SGCA: variants seen among roughly 807,000 people sequenced by gnomAD.
SGCA encodes the protein alpha-sarcoglycan.
Under a neutral mutation model 38.1 loss-of-function variants are expected in SGCA, and 34 were observed. That is an observed-to-expected ratio of 0.89 (90% CI 0.68 to 1.19). The LOEUF (loss-of-function observed/expected upper bound fraction) is 1.19. SGCA is among the 50% of genes most tolerant of loss of function. The pLI, the probability that SGCA is intolerant of heterozygous loss-of-function variation, is 0.00. For missense variants in SGCA, 476 were observed against 524.9 expected (o/e 0.91, Z 0.91); for synonymous variants, 209 against 214.6 (o/e 0.97, Z 0.23).
intron 1 of SGCA, among the ~76,000 whole-genome samples, chr17:50,166,560 C>G (rs988027442): frequency 2.0e-5 from 3 of 151,896 alleles, no homozygotes; most frequent in African/African-American, 7.3e-5. Context: ...GAATGGCTAC[C>G]CTTCCTCCTC....
intron 6 of SGCA, chr17:50,169,686 TG>T: frequency 3.1e-6 from 1 of 321,036 alleles, no homozygotes; most frequent in South Asian, 3.4e-5. Flanking sequence ...AAACCAAAGA[TG>T]CTCACAACAG....
chr17:50,169,947 A>G, intron 6 of SGCA, 196 bp from the exon 7 acceptor site: 3 of 639,874 alleles, frequency 4.7e-6, no homozygotes, highest in Non-Finnish European at 8.5e-6. Flanking sequence ...GCACATAATC[A>G]TCCTAGCTAA....
In SGCA at chr17:50,167,538, G is replaced by A; in HGVS notation, c.158-44G>A. 2 of 1,613,996 alleles carry A rather than the reference G, an allele frequency of 1.2e-6. No individual in the cohort carries two copies. Among genetic ancestry groups the A allele is most frequent in the Non-Finnish European group, 1.7e-6 (2 of 1,180,014 alleles). ...CGGGCGGGCTGGGGTGTACCCCGCA[G>A]GGCTCCTGCTGTGACTCGAATCCCC... On this transcript the variant is annotated intron_variant, in intron 2 of 9. Coordinates refer to ENST00000262018, the MANE Select transcript of SGCA (RefSeq NM_000023.4). This position sits in a 1 kb window ranked among gnomAD's most constrained non-coding sequence, Gnocchi z 4.5.
chr17:50,168,669 C>T (rs999141294), intron 5 of SGCA, 97 bp downstream of exon 5: 1 of 1,055,922 alleles, frequency 9.5e-7, no homozygotes, highest in Non-Finnish European at 1.4e-6. Context: ...TGGGGCTTTA[C>T]CACGCACATC....
Position 50,169,879 on chromosome 17 carries a change from C to G in SGCA, c.748-264C>G, listed in dbSNP as rs148269842. 305 of 571,294 alleles carry G rather than the reference C, an allele frequency of 5.3e-4. 2 individuals are homozygous for G. In the East Asian group the frequency reaches 7.9e-3, roughly 15 times the overall value. 35.4% of individuals were successfully genotyped at this position (571,294 alleles called of 1,614,324 possible). ...CATCAACATATTTTATGCTCACCAC[C>G]ACTCCAGGAGACAGGTGCTACTATT... On this transcript the variant is annotated intron_variant, in intron 6 of 9. Coordinates refer to ENST00000262018, the MANE Select transcript of SGCA (RefSeq NM_000023.4).
Position 50,175,904 on chromosome 17 carries a change from A to C in SGCA, c.*205A>C. ...TAAATATCTGCTGCTCTGCTCACCA[A>C]TTGCTGCTGGCAGCCTCTCCCGTCC... is the stretch of plus-strand genomic sequence containing the variant. On this transcript the variant is annotated 3_prime_UTR_variant, in exon 10 of 10. Coordinates refer to ENST00000262018, the MANE Select transcript of SGCA (RefSeq NM_000023.4). 2.2e-6 allele frequency: 1 copy of C among 452,496 alleles called. No homozygotes were observed. The highest frequency in any genetic ancestry group is 4.5e-6 in the Non-Finnish European group (1 of 224,210). The allele number at this position is 452,496 out of a possible 1,614,324, so 28.0% of individuals were successfully genotyped here.
chr17:50,166,301 G>C lies in SGCA; in HGVS notation c.37+224G>C, dbSNP rs375504165. On this transcript the variant is annotated intron_variant, in intron 1 of 9. Transcript: ENST00000262018. ...GGGCTGGGAGCTCTGAGGGCTGGAG[G>C]TGTCCTAGGGCCCGGGTGGGTCTGA... 2.6e-5 allele frequency among the ~76,000 whole-genome samples: 4 copies of C among 152,124 alleles called. No homozygotes were observed. The South Asian group carries it at 8.3e-4, about 31-fold the overall frequency.
chr17:50,170,620 T>A lies in SGCA; in HGVS notation c.957-20T>A. The A allele has an allele frequency of 6.4e-7, 1 of 1,558,298 alleles. No homozygotes were observed. The highest frequency in any genetic ancestry group is 8.7e-7 in the Non-Finnish European group (1 of 1,149,978). ...GCGAAACCCAGAGCTGGGCTAACCC[T>A]CTCCTTCACTTTTCCACAGGCTGAA... On this transcript the variant is annotated intron_variant, in intron 7 of 9. Transcript: ENST00000262018.
chr17:50,167,908 C>A lies in SGCA; in HGVS notation c.313-39C>A, dbSNP rs59944537. The A allele has an allele frequency of 0.14, 227,613 of 1,601,502 alleles. 16,840 individuals carry two copies. Among genetic ancestry groups the A allele is most frequent in the Admixed American group, 0.2 (12,270 of 60,002 alleles). On this transcript the variant is annotated intron_variant, in intron 3 of 9. Coordinates refer to ENST00000262018, the MANE Select transcript of SGCA (RefSeq NM_000023.4). The surrounding 1 kb of genome is among the most constrained non-coding windows in gnomAD (Gnocchi z 4.5). ...CAGGCCCCCGCTGTGCCACGTTTCT[C>A]CCCTAACCCACTTCTCAGATGTCTT...
chr17:50,168,088 G>C (rs1216365792), intron 4 of SGCA, 69 bp downstream of exon 4: 5 of 1,445,996 alleles, frequency 3.5e-6, no homozygotes, highest in African/African-American at 1.4e-5. Flanking sequence ...CGGAGGGGGA[G>C]GGGGCTGTGG....
chr17:50,170,925 G>A (rs566753460), intron 8 of SGCA, among the ~76,000 whole-genome samples: 13 of 152,136 alleles, frequency 8.5e-5, no homozygotes, highest in Admixed American at 2.0e-4. Context: ...CTAGCCAGGC[G>A]TGGTGGAGCA....
chr17:50,173,455 TCTGC>T (rs1259556375), intron 8 of SGCA, among the ~76,000 whole-genome samples: 1 of 136,512 alleles, frequency 7.3e-6, no homozygotes, highest in African/African-American at 2.6e-5. Flanking sequence ...CGTTTGTCTG[TCTGC>T]CCAAGTGCTG....
chr17:50,169,472 A>T (rs1239644658), intron 6 of SGCA: 5 of 560,502 alleles, frequency 8.9e-6, no homozygotes, highest in Non-Finnish European at 1.6e-5. Flanking sequence ...TTTCCCCCAC[A>T]AGAGGGCAAC....
At position 50,168,449 on chromosome 17, in the gene SGCA, C is replaced by G; in HGVS notation, c.461C>G (p.Ala154Gly). 1 of 1,587,298 alleles carries G rather than the reference C, an allele frequency of 6.3e-7. No homozygotes were observed. Among genetic ancestry groups the G allele is most frequent in the Non-Finnish European group, 8.6e-7 (1 of 1,166,604 alleles). The change falls in exon 5 of 10, where the codon GCC becomes GGC. Residue 154 changes from alanine (A) to glycine (G), a missense_variant. Physicochemically the swap from Ala to Gly is moderately conservative, Grantham distance 60. Transcript: ENST00000262018. ...DAEEVLPSTP[A>G]SRFLSALGGL... ...GAGGAGGTGCTGCCCTCAACACCTG[C>G]CAGCCGCTTCCTCTCAGCCTTGGGG...
At chr17:50,174,260 G>A (rs1054339605) in intron 8 of SGCA, among the ~76,000 whole-genome samples, 1 of 152,214 alleles carries the variant, frequency 6.6e-6, no homozygotes, top group Admixed American at 6.5e-5. Flanking sequence ...GGTAGAGGCT[G>A]CAGTGAGCTA....
At chr17:50,168,094 T>A in intron 4 of SGCA, 75 bp downstream of exon 4, 3 of 1,410,400 alleles carry the variant, frequency 2.1e-6, no homozygotes, top group Non-Finnish European at 3.0e-6. Context: ...GGGAGGGGGC[T>A]GTGGACAGGA....
At chr17:50,174,149 G>A (rs1441323020) in intron 8 of SGCA, among the ~76,000 whole-genome samples, 1 of 151,968 alleles carries the variant, frequency 6.6e-6, no homozygotes, top group Admixed American at 6.6e-5. Context: ...TAAGACACCT[G>A]TCTCTACAAA....
intron 1 of SGCA, among the ~76,000 whole-genome samples, chr17:50,166,791 C>A (rs1347650768): frequency 2.1e-5 from 2 of 97,132 alleles, no homozygotes; most frequent in East Asian, 5.7e-4. Context: ...CCTCACACAC[C>A]CTCACACACA....
chr17:50,173,172 G>A (rs992318410), intron 8 of SGCA, among the ~76,000 whole-genome samples: 1 of 152,232 alleles, frequency 6.6e-6, no homozygotes, highest in African/African-American at 2.4e-5. Flanking sequence ...TGGATTTCAC[G>A]TTGATGTATT....
Sources: gnomAD v4.1 joint callset for allele counts (sites outside exome capture counted in the v4.1 genomes callset) on GRCh38, gnomAD v4.1.1 for gene constraint, Gnocchi (gnomAD v3.1) non-coding constraint, MANE v1.5 for transcripts, NCBI Gene and HGNC (gene_info 2026-07-23, HGNC 2026-07-21) for gene names.